Variants in MLXIP observed in about 807,000 individuals in gnomAD.
MLXIP encodes the protein MLX interacting protein.
In MLXIP, 30 loss-of-function variants were observed where a neutral mutation model predicts 87.2. The observed-to-expected ratio is 0.34, with a 90% CI of 0.26 to 0.47. The LOEUF (loss-of-function observed/expected upper bound fraction) is 0.47. MLXIP is among the 20% of genes least tolerant of loss of function. MLXIP has a pLI of 1.00. For synonymous variants in MLXIP, 530 were observed against 514.0 expected (o/e 1.03, Z -0.42); for missense variants, 1,002 against 1,240.1 (o/e 0.81, Z 2.88).
chr12:122,127,692 G>A (rs541249721), intron 2 of MLXIP, among the ~76,000 whole-genome samples, 191 bp from the exon 3 acceptor site: 3 of 152,328 alleles, frequency 2.0e-5, no homozygotes, highest in South Asian at 4.1e-4. Flanking sequence ...TGACTGAGGC[G>A]TTCGTTATTG....
intron 1 of MLXIP, among the ~76,000 whole-genome samples, chr12:122,113,126 T>C (rs189696378): frequency 6.6e-6 from 1 of 152,358 alleles, no homozygotes; most frequent in Non-Finnish European, 1.5e-5. Flanking sequence ...AAATATTCTG[T>C]ATATAAAAAT....
rs79379865 is a variant in MLXIP, at chr12:122,132,871, C to T, written c.1093-477C>T. ...CTGGTAACCTGGCACCATCTTCAAA[C>T]GGGCTCCGGGAAGAATTGCTACTGC... On this transcript the variant is annotated intron_variant, in intron 8 of 16. Coordinates refer to ENST00000319080, the MANE Select transcript of MLXIP (RefSeq NM_014938.6). The T allele has an allele frequency of 1.1e-4, 18 of 168,968 alleles. No individual in the cohort carries two copies. The East Asian group carries it at 2.4e-3, about 23-fold the overall frequency. The allele number at this position is 168,968 out of a possible 1,614,324, so 10.5% of individuals were successfully genotyped here. A position where few individuals can be genotyped will look rare whatever the true frequency, so the allele number is the denominator to read the frequency against.
At chr12:122,108,601 G>A (rs1426334382) in intron 1 of MLXIP, among the ~76,000 whole-genome samples, 5 of 151,930 alleles carry the variant, frequency 3.3e-5, no homozygotes, top group African/African-American at 9.7e-5. Flanking sequence ...CTAAATGCAC[G>A]CTGGCCCCCA....
intron 1 of MLXIP, among the ~76,000 whole-genome samples, chr12:122,084,193 T>TGTGTGTGTGTG (rs1565954687): frequency 7.1e-6 from 1 of 141,678 alleles, no homozygotes; most frequent in African/African-American, 2.6e-5. Flanking sequence ...TGTGTGTGTG[T>TGTGTGTGTGTG]TGACATGACC....
chr12:122,127,777 G>C, intron 2 of MLXIP, 106 bp from the exon 3 acceptor site: 1 of 829,756 alleles, frequency 1.2e-6, no homozygotes, highest in East Asian at 2.5e-5. Context: ...AGAAGGAAAG[G>C]GTACCTGGGA....
At position 122,140,945 on chromosome 12, in the gene MLXIP, A is replaced by G. The variant is rs377162006; in HGVS notation, c.2509-9A>G. The G allele has an allele frequency of 1.9e-6, 3 of 1,613,766 alleles. No individual in the cohort carries two copies. Among genetic ancestry groups the G allele is most frequent in the South Asian group, 1.1e-5 (1 of 91,080 alleles). ...CCGTGCTTGCCTTTTCTTTAACCAC[A>G]CACTGCAGTTCAGCATCATCATCAA... is the stretch of plus-strand genomic sequence containing the variant. On this transcript the variant is annotated splice_polypyrimidine_tract_variant and intron_variant, in intron 15 of 16. Coordinates refer to ENST00000319080, the MANE Select transcript of MLXIP (RefSeq NM_014938.6).
chr12:122,121,020 T>TTTTTTTTTTTTTTTTTTG (rs1952774512), intron 1 of MLXIP, among the ~76,000 whole-genome samples: 1 of 138,494 alleles, frequency 7.2e-6, no homozygotes, highest in African/African-American at 2.7e-5. Flanking sequence ...GTTTTTTTTT[T>TTTTTTTTTTTTTTTTTTG]TTTTTTTTGA....
chr12:122,094,832 G>A (rs1330522754), intron 1 of MLXIP, among the ~76,000 whole-genome samples: 1 of 150,072 alleles, frequency 6.7e-6, no homozygotes. Context: ...TGGTGTGTGT[G>A]GGGTGTGGGT....
In MLXIP at chr12:122,132,314, C is replaced by T. The variant is rs1049739654; in HGVS notation, c.1023C>T (p.Ser341=). The T allele has an allele frequency of 6.2e-7, 1 of 1,612,760 alleles. No homozygotes were observed. The highest frequency in any genetic ancestry group is 1.3e-5 in the African/African-American group (1 of 74,912). The change falls in exon 8 of 17, where the codon TCC becomes TCT. Residue 341 remains serine, a synonymous_variant. Coordinates refer to ENST00000319080, the MANE Select transcript of MLXIP (RefSeq NM_014938.6). ...PFQDLFSSSR[S]IFGSMLPASA... is the part of the protein sequence containing the mutation. ...CAGACCTCTTCTCTTCTAGCCGCTC[C>T]ATTTTTGGCTCCATGCTACCTGCAT...
chr12:122,126,432 C>CA (rs1354713159), intron 1 of MLXIP, among the ~76,000 whole-genome samples: 4 of 152,148 alleles, frequency 2.6e-5, no homozygotes, highest in Non-Finnish European at 5.9e-5. Context: ...CAGGCCAGCT[C>CA]AGAGGAGATG....
At chr12:122,123,577 A>T (rs1291508952) in intron 1 of MLXIP, among the ~76,000 whole-genome samples, 1 of 152,216 alleles carries the variant, frequency 6.6e-6, no homozygotes, top group African/African-American at 2.4e-5. Context: ...TGTAAGGCTA[A>T]ATTTCCCTGC....
At chr12:122,118,967 C>G (rs147505476) in intron 1 of MLXIP, among the ~76,000 whole-genome samples, 2,954 of 152,102 alleles carry the variant, frequency 0.019, 101 homozygotes, top group African/African-American at 0.069. Context: ...GAGATCAAGA[C>G]CATCCTGGCT....
chr12:122,119,968 C>T (rs533330268), intron 1 of MLXIP, among the ~76,000 whole-genome samples: 14 of 152,296 alleles, frequency 9.2e-5, no homozygotes, highest in Non-Finnish European at 1.9e-4. Context: ...GAGAACTCTT[C>T]CCCACCAGAG....
intron 4 of MLXIP, 144 bp from the exon 5 acceptor site, chr12:122,129,444 G>A (rs1952935704): frequency 2.0e-6 from 2 of 1,017,426 alleles, no homozygotes; most frequent in East Asian, 2.6e-5. Flanking sequence ...TGCACTGGGT[G>A]GAAGTCTCCT....
rs1205285220 is a variant in MLXIP, at chr12:122,112,636, G to A, written c.414-14620G>A. 6.1e-5 allele frequency among the ~76,000 whole-genome samples: 9 copies of A among 147,942 alleles called. No homozygotes were observed. The East Asian group carries it at 1.8e-3, about 29-fold the overall frequency. Reference sequence around the variant, plus strand: ...CACTCCAGCCTGGGCAACAGAGCGAGACTCCATCTCAAAAAAAAAAAAAAA... The same window carrying A: ...CACTCCAGCCTGGGCAACAGAGCGAAACTCCATCTCAAAAAAAAAAAAAAA... On this transcript the variant is annotated intron_variant, in intron 1 of 16. Coordinates refer to ENST00000319080, the MANE Select transcript of MLXIP (RefSeq NM_014938.6).
intron 1 of MLXIP, among the ~76,000 whole-genome samples, chr12:122,089,031 A>G (rs1210508920): frequency 6.6e-6 from 1 of 151,128 alleles, no homozygotes; most frequent in African/African-American, 2.4e-5. Context: ...AAAAAAAAAA[A>G]ATTAGCTGGG....
At chr12:122,119,323 A>C (rs939427172) in intron 1 of MLXIP, among the ~76,000 whole-genome samples, 15 of 152,294 alleles carry the variant, frequency 9.8e-5, no homozygotes, top group African/African-American at 3.4e-4. Context: ...ATGTGTTACC[A>C]CATAGAAATG....
intron 3 of MLXIP, chr12:122,128,861 C>G: frequency 4.9e-6 from 2 of 408,062 alleles, no homozygotes; most frequent in Non-Finnish European, 8.9e-6. Flanking sequence ...GTGGAGCATT[C>G]TGCTCTCACC....
At chr12:122,082,863 C>T (rs1952111499) in intron 1 of MLXIP, among the ~76,000 whole-genome samples, 1 of 152,194 alleles carries the variant, frequency 6.6e-6, no homozygotes, top group African/African-American at 2.4e-5. Context: ...CTCTGTTTCC[C>T]AGTCTGGAGG....
Sources: allele counts gnomAD v4.1 joint callset (sites outside exome capture counted in the v4.1 genomes callset), GRCh38; gene constraint gnomAD v4.1.1; transcripts MANE v1.5; gene names NCBI Gene and HGNC (gene_info 2026-07-23, HGNC 2026-07-21).